The following MYO6 variants were observed in gnomAD, a reference collection of about 807,000 sequenced individuals.
MYO6 encodes the protein myosin VI.
MYO6 carries 74 observed loss-of-function variants against 178.7 expected under a neutral mutation model. The ratio of observed to expected loss-of-function variants is 0.41; its 90% CI spans 0.34 to 0.50. MYO6 has a LOEUF of 0.50. MYO6 is among the 20% of genes least tolerant of loss of function. The pLI, the probability that MYO6 is intolerant of heterozygous loss-of-function variation, is 0.09. For missense variants in MYO6, 1,330 were observed against 1,547.4 expected, an observed-to-expected ratio of 0.86 and a Z score of 2.36; for synonymous variants, 477 against 504.6, an observed-to-expected ratio of 0.95 and a Z score of 0.73.
At chr6:75,910,423 T>C (rs1780675432) in intron 32 of MYO6, among the ~76,000 whole-genome samples, 1 of 152,198 alleles carries the variant, frequency 6.6e-6, no homozygotes, top group Non-Finnish European at 1.5e-5. Flanking sequence ...CTTTGATACC[T>C]TATTCATCTA....
chr6:75,835,386 T>C (rs1773538906), intron 6 of MYO6, among the ~76,000 whole-genome samples: 1 of 152,174 alleles, frequency 6.6e-6, no homozygotes, highest in African/African-American at 2.4e-5. Context: ...AGGTTTGGGG[T>C]GTGAATGATC....
chr6:75,793,764 A>G (rs1768492240), intron 1 of MYO6, among the ~76,000 whole-genome samples: 1 of 152,228 alleles, frequency 6.6e-6, no homozygotes, highest in South Asian at 2.1e-4. Flanking sequence ...GAGAATGTCT[A>G]CGTACATTTA....
intron 3 of MYO6, among the ~76,000 whole-genome samples, chr6:75,825,162 G>T (rs1327111956): frequency 6.6e-6 from 1 of 152,180 alleles, no homozygotes; most frequent in Non-Finnish European, 1.5e-5. Flanking sequence ...AAAATTGGGC[G>T]TGTGAAGTCA....
chr6:75,813,000 G>GT (rs1364014908), intron 1 of MYO6, among the ~76,000 whole-genome samples: 4 of 152,224 alleles, frequency 2.6e-5, no homozygotes, highest in African/African-American at 4.8e-5. Context: ...TATATTTTTA[G>GT]TTTTTTAAGG....
intron 1 of MYO6, among the ~76,000 whole-genome samples, chr6:75,756,928 C>CA (rs1562113107): frequency 1.7e-4 from 23 of 137,842 alleles, no homozygotes; most frequent in African/African-American, 6.3e-4. Flanking sequence ...TATATACACA[C>CA]CATATATAGT....
At chr6:75,860,989 G>T (rs747178742) in intron 14 of MYO6, 34 bp from the exon 15 acceptor site, 1 of 1,415,488 alleles carries the variant, frequency 7.1e-7, no homozygotes, top group South Asian at 1.2e-5. Flanking sequence ...GCTCAGTATT[G>T]CTGTATCTAT....
At chr6:75,755,666 C>A (rs1427127906) in intron 1 of MYO6, among the ~76,000 whole-genome samples, 1 of 152,190 alleles carries the variant, frequency 6.6e-6, no homozygotes, top group Non-Finnish European at 1.5e-5. Context: ...CCGATAGTTA[C>A]AACTGTCTTT....
chr6:75,868,891 C>T (rs561848937), intron 18 of MYO6, among the ~76,000 whole-genome samples: 3 of 152,018 alleles, frequency 2.0e-5, no homozygotes, highest in African/African-American at 7.2e-5. Context: ...AAACATAATT[C>T]TATTATAAGA....
intron 1 of MYO6, among the ~76,000 whole-genome samples, chr6:75,773,108 A>G (rs1335040405): frequency 6.6e-6 from 1 of 152,232 alleles, no homozygotes; most frequent in African/African-American, 2.4e-5. Context: ...TATGCTAGTG[A>G]TAAACATGAG....
chr6:75,849,920 AG>A (rs1260938223), intron 11 of MYO6, among the ~76,000 whole-genome samples: 1 of 152,142 alleles, frequency 6.6e-6, no homozygotes, highest in African/African-American at 2.4e-5. Flanking sequence ...AGTTGGAATT[AG>A]GAGCATAGAT....
chr6:75,889,596 A>C (rs1464976899), intron 25 of MYO6, among the ~76,000 whole-genome samples: 1 of 152,184 alleles, frequency 6.6e-6, no homozygotes, highest in African/African-American at 2.4e-5. Flanking sequence ...TATTTTTATA[A>C]GAGACAGGGT....
At chr6:75,816,553 G>A (rs1462508167) in intron 1 of MYO6, among the ~76,000 whole-genome samples, 6 of 152,242 alleles carry the variant, frequency 3.9e-5, no homozygotes, top group South Asian at 2.1e-4. Context: ...GTCCATATTC[G>A]TCAACTTGTA....
At chr6:75,781,248 G>GT (rs1766951132) in intron 1 of MYO6, among the ~76,000 whole-genome samples, 1 of 152,138 alleles carries the variant, frequency 6.6e-6, no homozygotes, top group South Asian at 2.1e-4. Flanking sequence ...TTCATAGAAA[G>GT]GGGTACCTAA....
chr6:75,858,450 A>G (rs1026499415), intron 13 of MYO6, among the ~76,000 whole-genome samples: 3 of 152,176 alleles, frequency 2.0e-5, no homozygotes, highest in African/African-American at 7.2e-5. Flanking sequence ...TACTAAAAAT[A>G]CAAAAATTAG....
At chr6:75,815,515 A>C (rs1724492762) in intron 1 of MYO6, among the ~76,000 whole-genome samples, 1 of 152,238 alleles carries the variant, frequency 6.6e-6, no homozygotes, top group African/African-American at 2.4e-5. Context: ...AGATATGATT[A>C]GGGAAAGAGT....
chr6:75,808,066 G>A (rs1312065688), intron 1 of MYO6, among the ~76,000 whole-genome samples: 1 of 152,056 alleles, frequency 6.6e-6, no homozygotes, highest in Non-Finnish European at 1.5e-5. Context: ...TTATTATGTT[G>A]TTAAAGAAAA....
chr6:75,902,936 C>T (rs533651632), intron 30 of MYO6, among the ~76,000 whole-genome samples: 6 of 151,784 alleles, frequency 4.0e-5, no homozygotes, highest in Admixed American at 2.6e-4. Flanking sequence ...TCTTTGTTCT[C>T]GTTGGTTTCA....
intron 1 of MYO6, among the ~76,000 whole-genome samples, chr6:75,778,965 G>C (rs1339128983): frequency 6.7e-6 from 1 of 148,902 alleles, no homozygotes; most frequent in Non-Finnish European, 1.5e-5. Context: ...GCCGAAATGG[G>C]AAGATTGCTT....
At chr6:75,864,237 T>A (rs1489113500) in intron 16 of MYO6, among the ~76,000 whole-genome samples, 1 of 152,230 alleles carries the variant, frequency 6.6e-6, no homozygotes, top group East Asian at 1.9e-4. Flanking sequence ...ATCCAGAAAC[T>A]TAAGTGAATG....
Sources: allele counts gnomAD v4.1 joint callset (sites outside exome capture counted in the v4.1 genomes callset), GRCh38; gene constraint gnomAD v4.1.1; transcripts MANE v1.5; gene names NCBI Gene and HGNC (gene_info 2026-07-23, HGNC 2026-07-21).